Variants in FBN2 observed in about 807,000 individuals in gnomAD.
The protein encoded by FBN2 is fibrillin-2.
In FBN2, 105 loss-of-function variants were observed where a neutral mutation model predicts 355.6. The observed-to-expected ratio is 0.30, with a 90% confidence interval of 0.25 to 0.35. The LOEUF is 0.35. Ranked by LOEUF, FBN2 falls within the 10% of genes least tolerant of loss-of-function variation. The pLI is 1.00. For missense variants in FBN2, 3,280 were observed against 3,758.7 expected, an observed-to-expected ratio of 0.87 and a Z score of 3.33; for synonymous variants, 1,350 against 1,301.2, an observed-to-expected ratio of 1.04 and a Z score of -0.81.
chr5:128,359,594 T>C (rs1751586891), intron 19 of FBN2, among the ~76,000 whole-genome samples: 1 of 152,106 alleles, frequency 6.6e-6, no homozygotes, highest in Non-Finnish European at 1.5e-5. Context: ...TATCATTTCT[T>C]CTTTATTTAC....
At chr5:128,457,449 A>C (rs753419791) in intron 6 of FBN2, among the ~76,000 whole-genome samples, 7 of 152,180 alleles carry the variant, frequency 4.6e-5, no homozygotes, top group Non-Finnish European at 1.0e-4. Flanking sequence ...GGAAATACAG[A>C]GAACACGATT....
intron 11 of FBN2, among the ~76,000 whole-genome samples, chr5:128,384,646 G>C (rs1339673979): frequency 6.6e-6 from 1 of 152,006 alleles, no homozygotes; most frequent in East Asian, 1.9e-4. Flanking sequence ...TTTCCTCCTT[G>C]TCTTTTAGAA....
At chr5:128,353,069 A>T (rs1751409707) in intron 20 of FBN2, among the ~76,000 whole-genome samples, 1 of 151,958 alleles carries the variant, frequency 6.6e-6, no homozygotes, top group Admixed American at 6.6e-5. Context: ...GCTACTCAGG[A>T]AGCTGAGGTG....
At chr5:128,447,993 C>T (rs1174714218) in intron 6 of FBN2, among the ~76,000 whole-genome samples, 1 of 152,198 alleles carries the variant, frequency 6.6e-6, no homozygotes, top group Admixed American at 6.5e-5. Context: ...GTTTCCTCTC[C>T]TGATCATGGG....
At chr5:128,463,973 G>C (rs976445078) in intron 6 of FBN2, among the ~76,000 whole-genome samples, 1 of 152,206 alleles carries the variant, frequency 6.6e-6, no homozygotes, top group East Asian at 1.9e-4. Flanking sequence ...TCATTAGAGA[G>C]ACCATTTCCG....
At chr5:128,537,328 G>A (rs1273416870) in intron 1 of FBN2, 22 bp downstream of exon 1, 1 of 1,608,666 alleles carries the variant, frequency 6.2e-7, no homozygotes, top group Non-Finnish European at 8.5e-7. Context: ...AGCCCTAGGT[G>A]CGGAGCCGCT....
intron 5 of FBN2, among the ~76,000 whole-genome samples, chr5:128,488,288 T>A (rs1353677107): frequency 3.3e-5 from 5 of 152,134 alleles, no homozygotes; most frequent in African/African-American, 1.2e-4. Flanking sequence ...AGGCTTGCTG[T>A]GCTAGCAGTT....
At position 128,305,860 on chromosome 5, in the gene FBN2, T is replaced by C. The variant is rs1749857634; in HGVS notation, c.5511A>G (p.Thr1837=). ...ACAGCAGGTCATTGTAACTGAATCC[T>C]GTAGGGCATTCACAGCGGAAACTGC... ...QIGSFRCECP[T]GFSYNDLLLV... Residue 1837 remains threonine (T), a synonymous_variant, in exon 43 of 65, where the codon ACA becomes ACG. Coordinates refer to ENST00000262464, the MANE Select transcript of FBN2 (RefSeq NM_001999.4). 1.9e-6 allele frequency: 3 copies of C among 1,614,006 alleles called. No individual in the cohort carries two copies. Among genetic ancestry groups the C allele is most frequent in the African/African-American group, 1.3e-5 (1 of 75,050 alleles).
At chr5:128,314,383 T>C (rs1483669786) in intron 36 of FBN2, among the ~76,000 whole-genome samples, 3 of 151,376 alleles carry the variant, frequency 2.0e-5, no homozygotes, top group Non-Finnish European at 4.4e-5. Context: ...TGGAGTACAG[T>C]GGCACTATCT....
intron 32 of FBN2, 104 bp downstream of exon 32, chr5:128,332,807 TA>T (rs1750728274): frequency 8.7e-7 from 1 of 1,147,830 alleles, no homozygotes; most frequent in East Asian, 2.4e-5. Flanking sequence ...ATAACCTTTT[TA>T]TAAAGGAATT....
At chr5:128,296,572 G>T (rs1045276229) in intron 48 of FBN2, among the ~76,000 whole-genome samples, 1 of 152,070 alleles carries the variant, frequency 6.6e-6, no homozygotes, top group Non-Finnish European at 1.5e-5. Flanking sequence ...TTGGGAGAGT[G>T]TATGTGTCAA....
At chr5:128,410,835 G>C (rs1304696237) in intron 7 of FBN2, among the ~76,000 whole-genome samples, 2 of 152,080 alleles carry the variant, frequency 1.3e-5, no homozygotes, top group Non-Finnish European at 2.9e-5. Context: ...ACCCTAAAAG[G>C]TTAGCTTCAA....
At chr5:128,261,962 T>A in intron 63 of FBN2, 55 bp from the exon 64 acceptor site, 2 of 1,466,880 alleles carry the variant, frequency 1.4e-6, no homozygotes, top group Non-Finnish European at 1.9e-6. Flanking sequence ...GACCATAGTT[T>A]TCCAGTGGTA....
Position 128,335,502 on chromosome 5 carries a change from C to T in FBN2, c.3800G>A (p.Ser1267Asn). ...CATCAGGGCATAACCCTCACTGCAGCTGCATTCGTAGCTTCCCTCTGAATT... is the reference window on the plus strand; with the variant it reads ...CATCAGGGCATAACCCTCACTGCAGTTGCATTCGTAGCTTCCCTCTGAATT... Reference protein sequence around the residue: ...CTNSEGSYECSCSEGYALMPD... With the variant: ...CTNSEGSYECNCSEGYALMPD... Residue 1267 changes from serine to asparagine, a missense_variant, in exon 29 of 65, where the codon AGC (serine) becomes AAC (asparagine). By Grantham distance (46) the Ser-to-Asn change is conservative (BLOSUM62 1). Around this residue, in one of 6 missense-constraint regions of FBN2, gnomAD observed 2,284 missense variants for 2,749.5 expected, o/e 0.83. Coordinates refer to ENST00000262464, the MANE Select transcript of FBN2 (RefSeq NM_001999.4). The T allele has an allele frequency of 6.2e-7, 1 of 1,614,180 alleles. No homozygotes were observed. The highest frequency in any genetic ancestry group is 8.5e-7 in the Non-Finnish European group (1 of 1,179,982).
At chr5:128,497,138 G>GTC (rs1211249994) in intron 5 of FBN2, among the ~76,000 whole-genome samples, 2 of 152,186 alleles carry the variant, frequency 1.3e-5, no homozygotes, top group Non-Finnish European at 2.9e-5. Flanking sequence ...TTTCCTAAGT[G>GTC]TCTTCAACAG....
chr5:128,274,515 T>G, intron 60 of FBN2, 52 bp downstream of exon 60: 1 of 910,170 alleles, frequency 1.1e-6, no homozygotes, highest in Non-Finnish European at 1.9e-6. Context: ...AATATAATTT[T>G]TATGCATCTA....
intron 20 of FBN2, among the ~76,000 whole-genome samples, chr5:128,352,489 T>C (rs997493403): frequency 2.6e-5 from 4 of 152,232 alleles, no homozygotes; most frequent in Non-Finnish European, 5.9e-5. Flanking sequence ...GGTGGCATAA[T>C]GAAAAGTTTT....
At chr5:128,519,765 GA>G (rs1756380005) in intron 4 of FBN2, among the ~76,000 whole-genome samples, 1 of 150,528 alleles carries the variant, frequency 6.6e-6, no homozygotes, top group East Asian at 2.0e-4. Flanking sequence ...GGAAATGAAG[GA>G]AAAAAGAGGC....
chr5:128,530,837 T>C (rs1756682008), intron 2 of FBN2, 144 bp from the exon 3 acceptor site: 1 of 648,248 alleles, frequency 1.5e-6, no homozygotes, highest in African/African-American at 1.8e-5. Flanking sequence ...AGATATGCAA[T>C]AAAATTACCC....
Sources: gnomAD v4.1 joint callset for allele counts (sites outside exome capture counted in the v4.1 genomes callset) on GRCh38, gnomAD v4.1.1 for gene constraint, gnomAD v4.1.1 regional missense constraint, MANE v1.5 for transcripts, NCBI Gene and HGNC (gene_info 2026-07-23, HGNC 2026-07-21) for gene names.